The following SPOCK3 variants were observed in gnomAD, a reference collection of about 807,000 sequenced individuals.
The protein encoded by SPOCK3 is testican-3.
A neutral mutation model predicts 56.6 loss-of-function variants in SPOCK3; 30 were observed. That is an observed-to-expected ratio of 0.53 (90% CI 0.40 to 0.72). SPOCK3 has a LOEUF of 0.72. Among genes scored for constraint, SPOCK3 ranks in the 30% least tolerant of loss-of-function variants. The pLI is 0.00. For synonymous variants in SPOCK3, 196 were observed against 183.3 expected, an observed-to-expected ratio of 1.07 and a Z score of -0.56; for missense variants, 527 against 530.0, an observed-to-expected ratio of 0.99 and a Z score of 0.06.
chr4:166,817,671 C>A (rs919130467), intron 6 of SPOCK3, among the ~76,000 whole-genome samples: 1 of 151,822 alleles, frequency 6.6e-6, no homozygotes, highest in African/African-American at 2.4e-5. Flanking sequence ...AGAAAGAATC[C>A]AATTTAAGGA....
chr4:167,005,697 T>C (rs1244177271), intron 3 of SPOCK3, among the ~76,000 whole-genome samples: 1 of 152,194 alleles, frequency 6.6e-6, no homozygotes, highest in African/African-American at 2.4e-5. Flanking sequence ...CAATGTCCTT[T>C]AAAATACTGA....
chr4:166,852,221 A>G (rs1334892673), intron 6 of SPOCK3, among the ~76,000 whole-genome samples: 5 of 152,174 alleles, frequency 3.3e-5, no homozygotes, highest in Admixed American at 6.5e-5. Context: ...TGGGTGCAGC[A>G]CACCAGCATG....
chr4:166,937,857 G>C (rs979627906), intron 4 of SPOCK3, among the ~76,000 whole-genome samples: 1 of 149,418 alleles, frequency 6.7e-6, no homozygotes, highest in Non-Finnish European at 1.5e-5. Flanking sequence ...TCCGCCTCCC[G>C]GGTTCACGCC....
chr4:167,148,185 G>A (rs1367239521), intron 2 of SPOCK3, among the ~76,000 whole-genome samples: 1 of 151,994 alleles, frequency 6.6e-6, no homozygotes, highest in Non-Finnish European at 1.5e-5. Context: ...AATATCACGA[G>A]ACATTTTTGA....
intron 2 of SPOCK3, among the ~76,000 whole-genome samples, chr4:167,222,892 TATA>T (rs1736135688): frequency 7.8e-6 from 1 of 127,976 alleles, no homozygotes; most frequent in African/African-American, 3.1e-5. Context: ...TATATGAATA[TATA>T]AATATATAAA....
At chr4:167,145,551 A>G (rs887243117) in intron 2 of SPOCK3, among the ~76,000 whole-genome samples, 1 of 152,048 alleles carries the variant, frequency 6.6e-6, no homozygotes, top group Non-Finnish European at 1.5e-5. Context: ...AATATCTGAG[A>G]TGGAGACGCC....
At chr4:167,008,860 G>C (rs1011551937) in intron 3 of SPOCK3, among the ~76,000 whole-genome samples, 2 of 152,044 alleles carry the variant, frequency 1.3e-5, no homozygotes, top group Admixed American at 6.6e-5. Context: ...AGGGAAGCAG[G>C]GGAAGGACTG....
chr4:167,139,664 CA>C (rs1036152624), intron 2 of SPOCK3, among the ~76,000 whole-genome samples: 1 of 151,978 alleles, frequency 6.6e-6, no homozygotes, highest in Non-Finnish European at 1.5e-5. Flanking sequence ...ACACAATCAG[CA>C]ATGGCTCATA....
intron 8 of SPOCK3, among the ~76,000 whole-genome samples, chr4:166,752,565 TATATATATACACACAC>T (rs1168132820): frequency 0.019 from 1,882 of 101,234 alleles, 26 homozygotes; most frequent in African/African-American, 0.053. Flanking sequence ...TATATATATA[TATATATATACACACAC>T]ACACACACAC....
chr4:166,927,701 A>C (rs1383885055), intron 4 of SPOCK3, among the ~76,000 whole-genome samples: 1 of 152,160 alleles, frequency 6.6e-6, no homozygotes, highest in Non-Finnish European at 1.5e-5. Flanking sequence ...AAGAGGTATG[A>C]TCCATGAAAG....
intron 2 of SPOCK3, among the ~76,000 whole-genome samples, chr4:167,098,741 A>G (rs1356445258): frequency 6.6e-6 from 1 of 151,686 alleles, no homozygotes; most frequent in Non-Finnish European, 1.5e-5. Context: ...AACTCGCTTT[A>G]TCATCTCTTT....
chr4:166,747,713 C>T (rs1225127308), intron 8 of SPOCK3, among the ~76,000 whole-genome samples: 1 of 152,124 alleles, frequency 6.6e-6, no homozygotes, highest in African/African-American at 2.4e-5. Flanking sequence ...TTGCAGATGA[C>T]ATGATTGTAT....
intron 3 of SPOCK3, among the ~76,000 whole-genome samples, chr4:167,021,962 T>C (rs963580767): frequency 6.6e-6 from 1 of 152,102 alleles, no homozygotes; most frequent in African/African-American, 2.4e-5. Context: ...ACCCTAATAC[T>C]ACCTCTATAA....
intron 2 of SPOCK3, among the ~76,000 whole-genome samples, chr4:167,205,549 T>G (rs1286445112): frequency 1.7e-5 from 1 of 59,496 alleles, no homozygotes; most frequent in African/African-American, 8.5e-5. Context: ...ATATATTATA[T>G]AATATATAAT....
chr4:167,018,523 C>A (rs1416140672), intron 3 of SPOCK3, among the ~76,000 whole-genome samples: 1 of 152,072 alleles, frequency 6.6e-6, no homozygotes, highest in African/African-American at 2.4e-5. Flanking sequence ...GAAAACAGGT[C>A]CTGCTGGCAT....
intron 2 of SPOCK3, among the ~76,000 whole-genome samples, chr4:167,144,872 C>T (rs815229): frequency 1 from 151,988 of 152,086 alleles, 75,945 homozygotes; most frequent in Middle Eastern, 1. Context: ...CAGACAGTTG[C>T]TGAGCAAAGA....
intron 6 of SPOCK3, among the ~76,000 whole-genome samples, chr4:166,830,345 T>C (rs1362358672): frequency 6.6e-6 from 1 of 152,230 alleles, no homozygotes; most frequent in Non-Finnish European, 1.5e-5. Flanking sequence ...TTTCTCTTCA[T>C]TTAAAACTTG....
intron 3 of SPOCK3, among the ~76,000 whole-genome samples, chr4:167,050,779 G>A (rs929753293): frequency 6.6e-6 from 1 of 152,110 alleles, no homozygotes; most frequent in African/African-American, 2.4e-5. Context: ...TACACTAAGT[G>A]AAATAAGTGA....
chr4:166,958,958 T>G (rs1743824681), intron 4 of SPOCK3, among the ~76,000 whole-genome samples: 2 of 152,160 alleles, frequency 1.3e-5, no homozygotes, highest in Non-Finnish European at 2.9e-5. Flanking sequence ...GGGAAGAGAG[T>G]GACAGGCTTA....
Sources: allele counts gnomAD v4.1 joint callset (sites outside exome capture counted in the v4.1 genomes callset), GRCh38; gene constraint gnomAD v4.1.1; transcripts MANE v1.5; gene names NCBI Gene and HGNC (gene_info 2026-07-23, HGNC 2026-07-21).